SEC16A: variants seen among roughly 807,000 people sequenced by gnomAD.
SEC16A encodes SEC16 homolog A, endoplasmic reticulum export factor.
A neutral mutation model predicts 221.9 loss-of-function variants in SEC16A; 110 were observed. The observed-to-expected ratio is 0.50, with a 90% confidence interval of 0.42 to 0.58. SEC16A has a LOEUF of 0.58. Ranked by LOEUF, SEC16A falls within the 20% of genes least tolerant of loss-of-function variation. The pLI is 0.00. For synonymous variants in SEC16A, 1,393 were observed against 1,257.7 expected, an observed-to-expected ratio of 1.11 and a Z score of -2.28; for missense variants, 3,165 against 3,097.8, an observed-to-expected ratio of 1.02 and a Z score of -0.52.
At chr9:136,454,556 C>A (rs1442624327) in intron 20 of SEC16A, among the ~76,000 whole-genome samples, 2 of 152,186 alleles carry the variant, frequency 1.3e-5, no homozygotes, top group Admixed American at 1.3e-4. Flanking sequence ...GGCACTTGAG[C>A]AGTCACAGCG....
chr9:136,477,385 G>A lies in SEC16A; in HGVS notation c.231C>T (p.Val77=). 1.2e-6 allele frequency: 2 copies of A among 1,614,038 alleles called. No homozygotes were observed. Among genetic ancestry groups the A allele is most frequent in the South Asian group, 1.1e-5 (1 of 91,090 alleles). Residue 77 remains valine, a synonymous_variant, in exon 3 of 32, where the codon GTC becomes GTT. Transcript: ENST00000684901. ...LGSSSKSSPP[V]LQGPAPAGFS... is the part of the protein sequence containing the mutation. ...ACCCTGCGGGGGCTGGGCCTTGCAA[G>A]ACAGGTGGACTGCTTTTGGACGAAC...
chr9:136,441,338 G>A lies in SEC16A; in HGVS notation c.*417C>T, dbSNP rs1439772367. ...GCTCCCAGCACCTTAAAGGAAGCGC[G>A]GGACTCACTGGGCAGTGACTCACAG... On this transcript the variant is annotated 3_prime_UTR_variant, in exon 32 of 32. Transcript: ENST00000684901. The A allele has an allele frequency of 1.7e-5, 4 of 231,576 alleles. No individual in the cohort carries two copies. Among genetic ancestry groups the A allele is most frequent in the South Asian group, 5.7e-5 (1 of 17,414 alleles). 14.3% of individuals were successfully genotyped at this position (231,576 alleles called of 1,614,324 possible).
At chr9:136,452,149 T>C (rs1195734706) in intron 22 of SEC16A, among the ~76,000 whole-genome samples, 2 of 152,056 alleles carry the variant, frequency 1.3e-5, no homozygotes, top group Non-Finnish European at 2.9e-5. Context: ...AATTCTACTG[T>C]AGAAAAAGAG....
chr9:136,445,601 G>T (rs1290268281), intron 29 of SEC16A, 44 bp downstream of exon 29: 1 of 1,427,300 alleles, frequency 7.0e-7, no homozygotes, highest in Non-Finnish European at 9.6e-7. Context: ...TGAGCTGCTG[G>T]GGAGGCCTGG....
chr9:136,484,291 G>A, upstream of SEC16A: 1 of 998,684 alleles, frequency 1.0e-6, no homozygotes, highest in Non-Finnish European at 1.2e-6. Context: ...CCAGCGGAGG[G>A]GTGAGGCGGG....
chr9:136,461,916 G>A (rs370941867), intron 12 of SEC16A, among the ~76,000 whole-genome samples: 4 of 151,602 alleles, frequency 2.6e-5, no homozygotes, highest in East Asian at 3.9e-4. Flanking sequence ...AGACCAGCCT[G>A]GCAACATGGT....
Position 136,461,194 on chromosome 9 carries a change from G to A in SEC16A, c.4974C>T (p.His1658=), listed in dbSNP as rs375805476. 19 of 1,606,230 alleles carry A rather than the reference G, an allele frequency of 1.2e-5. No homozygotes were observed. The highest frequency in any genetic ancestry group is 5.1e-5 in the Admixed American group (3 of 58,982). ...LLASKMDSRT[H]ARVMTRFANS... ...GACTGTACCTGGTCATGACTCGGGC[G>A]TGTGTCCGGCTGTCCATCTTACTTG... The change falls in exon 13 of 32, where the codon CAC becomes CAT. Residue 1658 remains histidine (H), a synonymous_variant. Transcript: ENST00000684901.
chr9:136,462,178 G>C (rs1839572408), intron 12 of SEC16A, among the ~76,000 whole-genome samples: 1 of 152,136 alleles, frequency 6.6e-6, no homozygotes, highest in African/African-American at 2.4e-5. Context: ...TGATATAAAA[G>C]GACAGAAAAC....
intron 4 of SEC16A, among the ~76,000 whole-genome samples, chr9:136,471,418 G>A (rs985403540): frequency 2.0e-5 from 3 of 152,124 alleles, no homozygotes; most frequent in African/African-American, 7.2e-5. Flanking sequence ...AGGCTGCAGT[G>A]AGCCAAGATG....
rs1344511016 is a variant in SEC16A, at chr9:136,456,054, T to C, written c.5663A>G (p.Lys1888Arg). The change falls in exon 19 of 32, where the codon AAG becomes AGG. Residue 1888 changes from lysine to arginine, a missense_variant and splice_region_variant. Lys to Arg is a conservative substitution (Grantham distance 26, BLOSUM62 2). Around this residue, in one of 3 missense-constraint regions of SEC16A, gnomAD observed 1,088 missense variants for 1,089.6 expected, o/e 1.00. Transcript: ENST00000684901. ...VHLQQVERQI[K>R]EGAGVWHQDG... ...TGCCACCCCAAGCCAAGGCTGTACCTTAATCTGCCGCTCCACCTGCTGCAG... is the reference window on the plus strand; with the variant it reads ...TGCCACCCCAAGCCAAGGCTGTACCCTAATCTGCCGCTCCACCTGCTGCAG... The C allele has an allele frequency of 1.2e-6, 2 of 1,610,748 alleles. No homozygotes were observed. The highest frequency in any genetic ancestry group is 2.7e-5 in the African/African-American group (2 of 74,952).
chr9:136,453,404 G>A, intron 22 of SEC16A, 24 bp downstream of exon 22: 1 of 1,588,032 alleles, frequency 6.3e-7, no homozygotes, highest in South Asian at 1.1e-5. Flanking sequence ...AAAACAAACA[G>A]TTTAAGAAAA....
At chr9:136,457,208 CTGAT>C (rs1838798396) in intron 18 of SEC16A, among the ~76,000 whole-genome samples, 1 of 152,218 alleles carries the variant, frequency 6.6e-6, no homozygotes, top group South Asian at 2.1e-4. Context: ...GTAGTTCCTT[CTGAT>C]TGTGAAACTC....
Position 136,454,122 on chromosome 9 carries a change from C to G in SEC16A, c.6063G>C (p.Arg2021Ser). The change falls in exon 21 of 32, where the codon AGG becomes AGC. Residue 2021 changes from arginine to serine, a missense_variant. Transcript: ENST00000684901. The stretch of plus-strand genomic sequence containing the variant: ...CTGCAGCCCCACCTGGGTCTGGGCT[C>G]CTGGCTTCCTGGAGCAAGTGTCTCC... ...QERRHLLQEA[R>S]SPDPGIVPQE... The G allele has an allele frequency of 6.4e-7, 1 of 1,551,354 alleles. No individual in the cohort carries two copies. Among genetic ancestry groups the G allele is most frequent in the African/African-American group, 1.4e-5 (1 of 73,212 alleles).
intron 23 of SEC16A, among the ~76,000 whole-genome samples, chr9:136,450,570 T>C (rs200424409): frequency 6.6e-6 from 1 of 151,896 alleles, no homozygotes; most frequent in Admixed American, 6.5e-5. Flanking sequence ...GTGCCCAGCG[T>C]CACACCTCGC....
chr9:136,444,056 G>A (rs957408469), intron 30 of SEC16A, 156 bp from the exon 31 acceptor site: 55 of 548,510 alleles, frequency 1.0e-4, no homozygotes, highest in Non-Finnish European at 1.5e-4. Flanking sequence ...ACTGGATTTA[G>A]TTATTTAATG....
At position 136,459,628 on chromosome 9, in the gene SEC16A, C is replaced by G; in HGVS notation, c.5192-73G>C. 2 of 1,366,688 alleles carry G rather than the reference C, an allele frequency of 1.5e-6. No homozygotes were observed. The highest frequency in any genetic ancestry group is 2.0e-6 in the Non-Finnish European group (2 of 984,104). 84.7% of individuals were successfully genotyped at this position (1,366,688 alleles called of 1,614,324 possible). On this transcript the variant is annotated intron_variant, in intron 15 of 31. Transcript: ENST00000684901. This position sits in a 1 kb window ranked among gnomAD's most constrained non-coding sequence, Gnocchi z 6.1. ...CGCTTGCAGAAGTCAAGGACGCGCACAGAAGGCACCAGAGACGCCAGCCGG... is the reference window on the plus strand; with the variant it reads ...CGCTTGCAGAAGTCAAGGACGCGCAGAGAAGGCACCAGAGACGCCAGCCGG...
intron 23 of SEC16A, among the ~76,000 whole-genome samples, chr9:136,450,380 T>G (rs1051790350): frequency 2.6e-5 from 4 of 151,572 alleles, no homozygotes; most frequent in Non-Finnish European, 4.4e-5. Flanking sequence ...AAGCCAGGTG[T>G]GGTGGCTACA....
Position 136,474,669 on chromosome 9 carries a change from G to A in SEC16A, c.2947C>T (p.His983Tyr), listed in dbSNP as rs745766088. The change falls in exon 3 of 32, where the codon CAT (histidine) becomes TAT (tyrosine). Residue 983 changes from histidine to tyrosine, a missense_variant. This residue lies in a region of SEC16A where 2,030 missense variants were observed against 1,923.1 expected (regional missense o/e 1.06). Transcript: ENST00000684901. ...TAAGTGTCTTCCTGATGACTGGAAT[G>A]GTTTGCCTTATTACCATCAGGCACC... ...TLVPDGNKAN[H>Y]SSHQEDTYGA... The A allele has an allele frequency of 2.5e-6, 4 of 1,613,696 alleles. No homozygotes were observed. In the East Asian group the frequency reaches 8.9e-5, roughly 36 times the overall value.
At chr9:136,456,579 G>A (rs1388106637) in intron 18 of SEC16A, among the ~76,000 whole-genome samples, 2 of 152,236 alleles carry the variant, frequency 1.3e-5, no homozygotes, top group African/African-American at 4.8e-5. Context: ...CTAAGGTGGG[G>A]GATGAGCACC....
Sources: allele counts gnomAD v4.1 joint callset (sites outside exome capture counted in the v4.1 genomes callset), GRCh38; gene constraint gnomAD v4.1.1; regional missense constraint gnomAD v4.1.1; non-coding constraint Gnocchi (gnomAD v3.1); transcripts MANE v1.5; gene names NCBI Gene and HGNC (gene_info 2026-07-23, HGNC 2026-07-21).